The following ERCC5 variants were observed in gnomAD, a reference collection of about 807,000 sequenced individuals.
ERCC5 encodes the protein DNA excision repair protein ERCC-5.
A neutral mutation model predicts 105.6 loss-of-function variants in ERCC5; 68 were observed. That is an observed-to-expected ratio of 0.64 (90% CI 0.53 to 0.79). The LOEUF is 0.79. ERCC5 is among the 30% of genes least tolerant of loss of function. ERCC5 has a pLI of 0.00. For synonymous variants in ERCC5, 546 were observed against 526.2 expected (o/e 1.04, Z -0.51); for missense variants, 1,373 against 1,426.7 (o/e 0.96, Z 0.61).
intron 5 of ERCC5, 54 bp downstream of exon 5, chr13:102,856,166 C>G: frequency 2.6e-6 from 4 of 1,549,218 alleles, no homozygotes; most frequent in Non-Finnish European, 3.6e-6. Flanking sequence ...AAATGAATGA[C>G]ATGAAAATGA....
chr13:102,848,897 TAAA>T (rs1422088413), intron 1 of ERCC5, among the ~76,000 whole-genome samples: 1 of 152,100 alleles, frequency 6.6e-6, no homozygotes, highest in Non-Finnish European at 1.5e-5. Context: ...AAATAAAAAA[TAAA>T]AGAAGTCCTA....
intron 8 of ERCC5, 90 bp downstream of exon 8, chr13:102,863,193 C>G (rs1595384020): frequency 4.2e-6 from 6 of 1,420,814 alleles, no homozygotes; most frequent in Non-Finnish European, 5.8e-6. Context: ...CCCGTTTTAA[C>G]TTTTTACAGA....
At position 102,862,304 on chromosome 13, in the gene ERCC5, C is replaced by T. The variant is rs1882656676; in HGVS notation, c.1155C>T (p.Pro385=). ...CTGTAGACGAAGGCTCCATATCACC[C>T]CGGACTCTTTCAGCCATTAAGAGAG... is the stretch of plus-strand genomic sequence containing the variant. The part of the protein sequence containing the change: ...PAAVDEGSIS[P]RTLSAIKRAL... Residue 385 remains proline, a synonymous_variant, in exon 8 of 15, where the codon CCC becomes CCT. Coordinates refer to ENST00000652225, the MANE Select transcript of ERCC5 (RefSeq NM_000123.4). 3.1e-6 allele frequency: 5 copies of T among 1,614,136 alleles called. No individual in the cohort carries two copies. Among genetic ancestry groups the T allele is most frequent in the Non-Finnish European group, 4.2e-6 (5 of 1,180,042 alleles).
chr13:102,870,748 G>A (rs1355428197), intron 12 of ERCC5, among the ~76,000 whole-genome samples: 1 of 152,088 alleles, frequency 6.6e-6, no homozygotes, highest in East Asian at 1.9e-4. Context: ...AATTTCCAAC[G>A]CTAGATGGCA....
At chr13:102,858,244 A>G (rs1339256318) in intron 5 of ERCC5, 31 bp from the exon 6 acceptor site, 1 of 1,614,006 alleles carries the variant, frequency 6.2e-7, no homozygotes, top group Admixed American at 1.7e-5. Flanking sequence ...TGAAATGTAA[A>G]TTTCATGGTG....
intron 11 of ERCC5, 120 bp from the exon 12 acceptor site, chr13:102,867,991 GAT>G: frequency 9.8e-6 from 9 of 920,602 alleles, no homozygotes; most frequent in Non-Finnish European, 1.1e-5. Context: ...CAAATAATAA[GAT>G]ATTTTTGGTG....
chr13:102,859,114 A>G (rs1814836543), intron 6 of ERCC5, among the ~76,000 whole-genome samples: 1 of 152,100 alleles, frequency 6.6e-6, no homozygotes, highest in Non-Finnish European at 1.5e-5. Flanking sequence ...TACTTAATTC[A>G]TGTTACTATT....
intron 5 of ERCC5, among the ~76,000 whole-genome samples, 199 bp from the exon 6 acceptor site, chr13:102,858,076 A>G (rs1168258806): frequency 3.3e-5 from 5 of 152,178 alleles, no homozygotes; most frequent in African/African-American, 1.2e-4. Context: ...TTTTGAATGA[A>G]TTAAAGAGTG....
In ERCC5 at chr13:102,866,671, C is replaced by T. The variant is rs775080842; in HGVS notation, c.2359C>T (p.Pro787Ser). 5.0e-6 allele frequency: 8 copies of T among 1,613,930 alleles called. No individual in the cohort carries two copies. Among genetic ancestry groups the T allele is most frequent in the South Asian group, 2.2e-5 (2 of 91,084 alleles). ...RLFGIPYIQA[P>S]MEAEAQCAIL... ...GTTCGGCATTCCCTACATCCAGGCT[C>T]CCATGGAAGCAGAGGCGCAGTGCGC... Residue 787 changes from proline (P) to serine (S), a missense_variant, in exon 11 of 15, where the codon CCC becomes TCC. Physicochemically the swap from Pro to Ser is moderately conservative, Grantham distance 74. Around this residue, in one of 3 missense-constraint regions of ERCC5, gnomAD observed 1,004 missense variants for 1,059.7 expected, o/e 0.95. Transcript: ENST00000652225.
intron 12 of ERCC5, among the ~76,000 whole-genome samples, chr13:102,869,485 T>TTTGCATACATATACAA (rs1882962206): frequency 6.6e-6 from 1 of 152,150 alleles, no homozygotes; most frequent in African/African-American, 2.4e-5. Context: ...ATTGCATATA[T>TTTGCATACATATACAA]ATGTATACTC....
In ERCC5 at chr13:102,873,328, A is replaced by G. The variant is rs1315503152; in HGVS notation, c.2949A>G (p.Gln983=). 2 of 1,613,986 alleles carry G rather than the reference A, an allele frequency of 1.2e-6. No homozygotes were observed. The highest frequency in any genetic ancestry group is 1.3e-5 in the African/African-American group (1 of 74,888). ...AATCTCTGTTTCCTGTATTAAAGCAACTCGATGCCCAGCAGGTAATCATGG... is the reference window on the plus strand; with the variant it reads ...AATCTCTGTTTCCTGTATTAAAGCAGCTCGATGCCCAGCAGGTAATCATGG... ...TDESLFPVLK[Q]LDAQQTQLRI... is the part of the protein sequence containing the mutation. Residue 983 remains glutamine, a synonymous_variant, in exon 14 of 15, where the codon CAA becomes CAG. Transcript: ENST00000652225.
At chr13:102,873,983 C>A (rs866049392) in intron 14 of ERCC5, among the ~76,000 whole-genome samples, 1 of 152,042 alleles carries the variant, frequency 6.6e-6, no homozygotes, top group South Asian at 2.1e-4. Context: ...TAAATTAAAC[C>A]CATTTTCATT....
In ERCC5 at chr13:102,865,595, A is replaced by G; in HGVS notation, c.1955-72A>G. ...GTAGCATTTTTCAGGTTCCTCCAGA[A>G]AGCTCTTGATGATTGCAGGATCATT... On this transcript the variant is annotated intron_variant, in intron 8 of 14. Coordinates refer to ENST00000652225, the MANE Select transcript of ERCC5 (RefSeq NM_000123.4). The surrounding 1 kb of genome is among the most constrained non-coding windows in gnomAD (Gnocchi z 4.0). The G allele has an allele frequency of 6.3e-7, 1 of 1,591,650 alleles. No individual in the cohort carries two copies. The highest frequency in any genetic ancestry group is 8.6e-7 in the Non-Finnish European group (1 of 1,169,068).
At chr13:102,849,165 C>T (rs1418807204) in intron 1 of ERCC5, 1 of 518,992 alleles carries the variant, frequency 1.9e-6, no homozygotes, top group East Asian at 5.5e-5. Context: ...AAGACAGATG[C>T]ACATCAACAC....
intron 6 of ERCC5, among the ~76,000 whole-genome samples, chr13:102,858,619 T>A (rs1169168959): frequency 6.6e-6 from 1 of 152,218 alleles, no homozygotes; most frequent in Non-Finnish European, 1.5e-5. Context: ...AAGTTTTTCT[T>A]GACTTTTGAC....
intron 5 of ERCC5, among the ~76,000 whole-genome samples, chr13:102,857,599 T>C (rs757459556): frequency 2.7e-5 from 4 of 150,146 alleles, no homozygotes; most frequent in Non-Finnish European, 4.4e-5. Flanking sequence ...TTGAGAAAAG[T>C]TTTACACTTT....
rs1882825123 is a variant in ERCC5, at chr13:102,866,103, T to G, written c.2200-159T>G. On this transcript the variant is annotated intron_variant, in intron 9 of 14. Coordinates refer to ENST00000652225, the MANE Select transcript of ERCC5 (RefSeq NM_000123.4). ...TTTCCATGTGGTTTAGTGATGAATCTCTAAAGATATTACAGAGTCTTGGTT... is the reference window on the plus strand; with the variant it reads ...TTTCCATGTGGTTTAGTGATGAATCGCTAAAGATATTACAGAGTCTTGGTT... The G allele has an allele frequency of 2.8e-6, 4 of 1,432,340 alleles. No individual in the cohort carries two copies. The South Asian group carries it at 4.9e-5, about 18-fold the overall frequency. 88.7% of individuals were successfully genotyped at this position (1,432,340 alleles called of 1,614,324 possible).
At chr13:102,874,713 C>CG (rs1019127655) in intron 14 of ERCC5, 2 of 152,468 alleles carry the variant, frequency 1.3e-5, no homozygotes, top group Non-Finnish European at 2.9e-5. Context: ...TTAGTAGAGA[C>CG]GGGGTTTCAC....
rs375907005 is a variant in ERCC5, at chr13:102,862,472, G to A, written c.1323G>A (p.Pro441=). 1.4e-5 allele frequency: 23 copies of A among 1,614,074 alleles called. No individual in the cohort carries two copies. Among genetic ancestry groups the A allele is most frequent in the South Asian group, 1.3e-4 (12 of 91,064 alleles). ...GLKVRDGKGI[P]FTATLASSSV... is the part of the protein sequence containing the mutation. ...AAGTGAGAGATGGAAAAGGAATACCGTTTACTGCAACACTTGCGTCATCTA... is the reference window on the plus strand; with the variant it reads ...AAGTGAGAGATGGAAAAGGAATACCATTTACTGCAACACTTGCGTCATCTA... The change falls in exon 8 of 15, where the codon CCG becomes CCA. Residue 441 remains proline (P), a synonymous_variant. Transcript: ENST00000652225.
Sources: gnomAD v4.1 joint callset for allele counts (sites outside exome capture counted in the v4.1 genomes callset) on GRCh38, gnomAD v4.1.1 for gene constraint, gnomAD v4.1.1 regional missense constraint, Gnocchi (gnomAD v3.1) non-coding constraint, MANE v1.5 for transcripts, NCBI Gene and HGNC (gene_info 2026-07-23, HGNC 2026-07-21) for gene names.